IPO11: variants seen among roughly 807,000 people sequenced by gnomAD.
The protein encoded by IPO11 is importin-11.
IPO11 carries 66 observed loss-of-function variants against 143.2 expected under a neutral mutation model. The observed-to-expected ratio is 0.46, with a 90% CI of 0.38 to 0.57. The LOEUF (loss-of-function observed/expected upper bound fraction) is 0.57, where lower values mean the gene tolerates loss of function less well. Ranked by LOEUF, IPO11 falls within the 20% of genes least tolerant of loss-of-function variation. IPO11 has a pLI of 0.00. For synonymous variants in IPO11, 385 were observed against 377.8 expected (o/e 1.02, Z -0.22); for missense variants, 1,026 against 1,141.0 (o/e 0.90, Z 1.45).
chr5:62,572,545 G>GTTTGTTTGTTTATTTATTTA (rs375958074), intron 27 of IPO11, among the ~76,000 whole-genome samples: 3 of 86,046 alleles, frequency 3.5e-5, no homozygotes, highest in East Asian at 2.8e-4. Flanking sequence ...ATATTTGTTT[G>GTTTGTTTGTTTATTTATTTA]TTTATTTATT....
chr5:62,555,757 C>A (rs1295076963), intron 26 of IPO11, among the ~76,000 whole-genome samples: 1 of 152,030 alleles, frequency 6.6e-6, no homozygotes, highest in South Asian at 2.1e-4. Flanking sequence ...CCTGCCTCGG[C>A]CTCCCAATGT....
intron 16 of IPO11, among the ~76,000 whole-genome samples, chr5:62,502,924 G>C (rs1741398230): frequency 6.6e-6 from 1 of 152,048 alleles, no homozygotes; most frequent in South Asian, 2.1e-4. Context: ...CCAGGTTCAA[G>C]CGATCCTGGT....
Position 62,602,810 on chromosome 5 carries a change from A to G in IPO11, c.2763+962A>G, listed in dbSNP as rs181193967. ...AGTGTAGAGGAAAGGACAACATCCAAAGATTCTTAAGACCTGAATTCTAGT... is the reference window on the plus strand; with the variant it reads ...AGTGTAGAGGAAAGGACAACATCCAGAGATTCTTAAGACCTGAATTCTAGT... On this transcript the variant is annotated intron_variant, in intron 29 of 29. Transcript: ENST00000325324. Among the ~76,000 whole-genome samples, 19 of 152,226 alleles carry G rather than the reference A, an allele frequency of 1.2e-4. No homozygotes were observed. In the East Asian group the frequency reaches 3.7e-3, roughly 29 times the overall value.
chr5:62,480,906 ATTTTTTTTTTTTT>A (rs34947365), intron 9 of IPO11, among the ~76,000 whole-genome samples: 10 of 84,964 alleles, frequency 1.2e-4, no homozygotes, highest in African/African-American at 2.5e-4. Context: ...TTCCTCTTTC[ATTTTTTTTTTTTT>A]TTTTTTTTTT....
In IPO11 at chr5:62,611,364, G is replaced by A. The variant is rs554075815; in HGVS notation, c.2763+9516G>A. ...ATCCTAAGGTAGCAGTTCTTCCTGT[G>A]ATAGAGCTAAAATGTTAATCAAAAA... is the stretch of plus-strand genomic sequence containing the variant. On this transcript the variant is annotated intron_variant, in intron 29 of 29. Coordinates refer to ENST00000325324, the MANE Select transcript of IPO11 (RefSeq NM_016338.5). Among the ~76,000 whole-genome samples, 11 of 152,266 alleles carry A rather than the reference G, an allele frequency of 7.2e-5. No individual in the cohort carries two copies. The South Asian group carries it at 2.3e-3, about 32-fold the overall frequency.
intron 19 of IPO11, among the ~76,000 whole-genome samples, chr5:62,511,270 T>TTG (rs1741739662): frequency 1.3e-5 from 2 of 152,176 alleles, no homozygotes; most frequent in African/African-American, 4.8e-5. Flanking sequence ...TACCAGTAGA[T>TTG]TGTGTTGTCA....
At chr5:62,504,822 C>CT (rs773512283) in intron 17 of IPO11, 36 bp from the exon 18 acceptor site, 3 of 1,443,212 alleles carry the variant, frequency 2.1e-6, no homozygotes, top group Non-Finnish European at 2.8e-6. Context: ...TTTGATAAAA[C>CT]TTATATATTC....
At chr5:62,568,574 C>CAAAAAAA (rs66748975) in intron 27 of IPO11, among the ~76,000 whole-genome samples, 5,277 of 51,610 alleles carry the variant, frequency 0.1, 487 homozygotes, top group East Asian at 0.14. Context: ...ACTCTGTCTC[C>CAAAAAAA]AAAAAAAAAA....
At chr5:62,476,280 C>T (rs749033998) in intron 8 of IPO11, among the ~76,000 whole-genome samples, 3 of 151,898 alleles carry the variant, frequency 2.0e-5, no homozygotes, top group African/African-American at 2.4e-5. Context: ...AAAAAAAAAT[C>T]GCCAGGGAAA....
intron 19 of IPO11, among the ~76,000 whole-genome samples, chr5:62,513,680 GC>G (rs1741879269): frequency 7.0e-6 from 1 of 142,762 alleles, no homozygotes; most frequent in African/African-American, 2.6e-5. Context: ...GGTTGGCCGG[GC>G]GGGGGGCTGA....
intron 5 of IPO11, among the ~76,000 whole-genome samples, chr5:62,460,623 T>A (rs143084713): frequency 1.1e-4 from 17 of 152,350 alleles, no homozygotes; most frequent in Non-Finnish European, 2.4e-4. Flanking sequence ...TAGCTTTTGA[T>A]ACTTTGGAGT....
At chr5:62,459,043 GAT>G (rs1745266055) in intron 5 of IPO11, among the ~76,000 whole-genome samples, 1 of 151,890 alleles carries the variant, frequency 6.6e-6, no homozygotes, top group Non-Finnish European at 1.5e-5. Flanking sequence ...GGATGCCTGA[GAT>G]AGAGCTGTGG....
At chr5:62,484,643 A>G (rs1230230159) in intron 11 of IPO11, among the ~76,000 whole-genome samples, 2 of 147,996 alleles carry the variant, frequency 1.4e-5, no homozygotes, top group Admixed American at 6.9e-5. Flanking sequence ...GACCCTTGCT[A>G]TAGAAAATCA....
chr5:62,601,798 G>C lies in IPO11; in HGVS notation c.2713G>C (p.Val905Leu). The change falls in exon 29 of 30, where the codon GTA becomes CTA. Residue 905 changes from valine (V) to leucine (L), a missense_variant. By Grantham distance (32) the Val-to-Leu change is conservative (BLOSUM62 1). Coordinates refer to ENST00000325324, the MANE Select transcript of IPO11 (RefSeq NM_016338.5). ...GATGTCTCATCTTGAGGAACCAAAA[G>C]TAACAGAAGATGAAGAACCACCCAC... ...MLMSHLEEPK[V>L]TEDEEPPTEQ... 1 of 1,595,058 alleles carries C rather than the reference G, an allele frequency of 6.3e-7. No homozygotes were observed. The highest frequency in any genetic ancestry group is 8.5e-7 in the Non-Finnish European group (1 of 1,170,362).
At chr5:62,592,099 C>T (rs1312386998) in intron 28 of IPO11, among the ~76,000 whole-genome samples, 1 of 152,190 alleles carries the variant, frequency 6.6e-6, no homozygotes, top group Non-Finnish European at 1.5e-5. Flanking sequence ...ATCTGCCTGC[C>T]TCTGCCTCCC....
intron 22 of IPO11, among the ~76,000 whole-genome samples, chr5:62,535,106 C>G (rs1366202247): frequency 2.0e-5 from 3 of 151,440 alleles, no homozygotes; most frequent in Non-Finnish European, 4.4e-5. Flanking sequence ...CTGGGCATGG[C>G]AGAGGCATGG....
intron 24 of IPO11, among the ~76,000 whole-genome samples, chr5:62,548,738 A>G (rs777848013): frequency 1.3e-5 from 2 of 152,154 alleles, no homozygotes; most frequent in Non-Finnish European, 2.9e-5. Flanking sequence ...GAGAAGTTAT[A>G]TGAAGTAAAT....
chr5:62,413,155 A>G (rs143648595), intron 1 of IPO11, among the ~76,000 whole-genome samples: 2 of 152,274 alleles, frequency 1.3e-5, no homozygotes, highest in African/African-American at 2.4e-5. Flanking sequence ...TAGTGGAGCA[A>G]TCAGGGTGCG....
chr5:62,510,850 C>T (rs1464697863), intron 19 of IPO11, among the ~76,000 whole-genome samples: 2 of 152,094 alleles, frequency 1.3e-5, no homozygotes, highest in East Asian at 1.9e-4. Flanking sequence ...ATTCTCCTGC[C>T]TCAGCAGGAG....
Sources: gnomAD v4.1 joint callset for allele counts (sites outside exome capture counted in the v4.1 genomes callset) on GRCh38, gnomAD v4.1.1 for gene constraint, MANE v1.5 for transcripts, NCBI Gene and HGNC (gene_info 2026-07-23, HGNC 2026-07-21) for gene names.